NLRC3: variants seen among roughly 807,000 people sequenced by gnomAD.
NLRC3 encodes the protein NLR family CARD domain containing 3, also known as NLR family CARD domain-containing protein 3.
Under a neutral mutation model 91.6 loss-of-function variants are expected in NLRC3, and 87 were observed. That is an observed-to-expected ratio of 0.95 (90% CI 0.80 to 1.14). The LOEUF (loss-of-function observed/expected upper bound fraction) is 1.14. Ranked by LOEUF, NLRC3 falls within the 50% of genes most tolerant of loss-of-function variation. The pLI is 0.00. For synonymous variants in NLRC3, 694 were observed against 625.3 expected, an observed-to-expected ratio of 1.11 and a Z score of -1.64; for missense variants, 1,577 against 1,418.6, an observed-to-expected ratio of 1.11 and a Z score of -1.79.
intron 15 of NLRC3, among the ~76,000 whole-genome samples, chr16:3,547,446 G>A (rs2038749472): frequency 6.8e-6 from 1 of 147,962 alleles, no homozygotes; most frequent in Admixed American, 6.6e-5. Flanking sequence ...CTAACGGGGT[G>A]ATGGAAATGT....
In NLRC3 at chr16:3,563,593, T is replaced by C. The variant is rs2039721212; in HGVS notation, c.1344A>G (p.Ser448=). The change falls in exon 5 of 20, where the codon TCA becomes TCG. Residue 448 remains serine (S), a synonymous_variant. Coordinates refer to ENST00000359128, the MANE Select transcript of NLRC3 (RefSeq NM_178844.4). The stretch of plus-strand genomic sequence containing the variant: ...ACAGGTGGGTGAAGCAGTAGGCCAC[T>C]GACGATGCCAACGTCTCCTCTCTCT... ...FLQREETLAS[S]VAYCFTHLSL... 1 of 1,612,918 alleles carries C rather than the reference T, an allele frequency of 6.2e-7. No homozygotes were observed. The highest frequency in any genetic ancestry group is 8.5e-7 in the Non-Finnish European group (1 of 1,179,694).
At chr16:3,547,154 C>T (rs1174880433) in intron 15 of NLRC3, among the ~76,000 whole-genome samples, 1 of 152,204 alleles carries the variant, frequency 6.6e-6, no homozygotes, top group Non-Finnish European at 1.5e-5. Flanking sequence ...CAACGTCCGT[C>T]AGCTGATGAA....
intron 16 of NLRC3, chr16:3,543,740 C>G (rs1024368881): frequency 1.1e-5 from 6 of 553,128 alleles, no homozygotes; most frequent in East Asian, 6.1e-5. Context: ...TGGAAGGGCT[C>G]GGGGAGAATG....
At chr16:3,549,469 T>C (rs2038881839) in intron 12 of NLRC3, among the ~76,000 whole-genome samples, 1 of 151,614 alleles carries the variant, frequency 6.6e-6, no homozygotes. Context: ...GCCCCAGAGG[T>C]GCGAGGGGAC....
intron 17 of NLRC3, chr16:3,542,985 G>A: frequency 1.8e-6 from 1 of 569,584 alleles, no homozygotes; most frequent in Non-Finnish European, 3.1e-6. Flanking sequence ...GCCTAGCCAG[G>A]AGGGTTGTTG....
intron 6 of NLRC3, among the ~76,000 whole-genome samples, chr16:3,561,306 C>T (rs1035210268): frequency 6.6e-6 from 1 of 152,116 alleles, no homozygotes; most frequent in African/African-American, 2.4e-5. Flanking sequence ...GAGATCATGC[C>T]ACTACACTCC....
At chr16:3,571,135 A>G (rs2151107190) in intron 1 of NLRC3, among the ~76,000 whole-genome samples, 1 of 152,296 alleles carries the variant, frequency 6.6e-6, no homozygotes. Flanking sequence ...AGCATTTCAA[A>G]TCAGTGAAAA....
At position 3,548,262 on chromosome 16, in the gene NLRC3, T is replaced by C. The variant is rs1163300708; in HGVS notation, c.2688-44A>G. ...ATGTGACTATGTGACTATGTGACTA[T>C]GTGGCCCTGGGGCAGAGCCAAGGAG... On this transcript the variant is annotated intron_variant, in intron 14 of 19. Coordinates refer to ENST00000359128, the MANE Select transcript of NLRC3 (RefSeq NM_178844.4). 2.0e-6 allele frequency: 3 copies of C among 1,491,596 alleles called. No homozygotes were observed. The South Asian group carries it at 3.6e-5, about 18-fold the overall frequency. 92.4% of individuals were successfully genotyped at this position (1,491,596 alleles called of 1,614,324 possible).
chr16:3,573,689 C>G lies in NLRC3; in HGVS notation c.-169+3460G>C, dbSNP rs139340774. Reference sequence around the variant, plus strand: ...GGACTGCGTGGAAGAAGTCTCAGCTCTGGTAGGGCATCATTTGGGGTCTTA... The same window carrying G: ...GGACTGCGTGGAAGAAGTCTCAGCTGTGGTAGGGCATCATTTGGGGTCTTA... On this transcript the variant is annotated intron_variant, in intron 1 of 19. Transcript: ENST00000359128. 2.5e-3 allele frequency among the ~76,000 whole-genome samples: 376 copies of G among 152,228 alleles called. 2 individuals carry two copies. Among genetic ancestry groups the G allele is most frequent in the African/African-American group, 8.6e-3 (358 of 41,526 alleles).
At chr16:3,549,089 G>A in intron 13 of NLRC3, 53 bp downstream of exon 13, 2 of 1,339,234 alleles carry the variant, frequency 1.5e-6, no homozygotes, top group South Asian at 1.3e-5. Context: ...GGCTCGGTGT[G>A]GGTGTGGTCA....
In NLRC3 at chr16:3,563,012, A is replaced by G; in HGVS notation, c.1925T>C (p.Leu642Pro). The change falls in exon 5 of 20, where the codon CTC (leucine) becomes CCC (proline). Residue 642 changes from leucine to proline, a missense_variant. Transcript: ENST00000359128. ...TGCCCCCTGCCCTGGTATCCACCTG[A>G]GCTTCCGGCAGTAGAGCAGCTGGGG... ...LLPQLLYCRK[L>P]RLDTNQFQDP... is the part of the protein sequence containing the mutation. 1 of 1,551,934 alleles carries G rather than the reference A, an allele frequency of 6.4e-7. No individual in the cohort carries two copies. Among genetic ancestry groups the G allele is most frequent in the Non-Finnish European group, 8.7e-7 (1 of 1,148,366 alleles).
intron 10 of NLRC3, 42 bp from the exon 11 acceptor site, chr16:3,550,539 G>A (rs1489817713): frequency 1.4e-6 from 2 of 1,433,070 alleles, no homozygotes; most frequent in Admixed American, 1.7e-5. Flanking sequence ...TCTGGGAGCT[G>A]CCAGGCAGGG....
In NLRC3 at chr16:3,565,071, AG is replaced by A; in HGVS notation, c.-24-12del. On this transcript the variant is annotated splice_polypyrimidine_tract_variant and intron_variant, in intron 3 of 19. Transcript: ENST00000359128. ...GATCACCTCCAGGAGCTGTGAAGAG[AG>A]GGCCTGAACCTGCTGCCTGCCGTGC... The A allele has an allele frequency of 1.9e-6, 3 of 1,597,110 alleles. No homozygotes were observed. The highest frequency in any genetic ancestry group is 2.6e-6 in the Non-Finnish European group (3 of 1,174,208).
intron 9 of NLRC3, among the ~76,000 whole-genome samples, chr16:3,553,409 A>G (rs1219270996): frequency 1.3e-5 from 2 of 152,200 alleles, no homozygotes; most frequent in African/African-American, 4.8e-5. Flanking sequence ...GCTCTAAAGT[A>G]CCTGCGTGTC....
At chr16:3,559,932 C>CGATTAAAG (rs1204095356) in intron 6 of NLRC3, among the ~76,000 whole-genome samples, 21 of 152,154 alleles carry the variant, frequency 1.4e-4, no homozygotes, top group African/African-American at 4.8e-4. Flanking sequence ...CATGAGCCAC[C>CGATTAAAG]GCCCCTGGCC....
rs1488076029 is a variant in NLRC3 at position 3,564,860 on chromosome 16, A to G, written c.177T>C (p.Asn59=). The G allele has an allele frequency of 6.2e-7, 1 of 1,603,100 alleles. No individual in the cohort carries two copies. The highest frequency in any genetic ancestry group is 1.1e-5 in the South Asian group (1 of 90,754). The stretch of plus-strand genomic sequence containing the variant: ...GTCTGCCTCCCAAGCCGGTCCTACC[A>G]TTGCTGCAGGGCCCCAGCGGGGCAT... ...TPDAPLGPCS[N]DSRIQRHRKA... The change falls in exon 4 of 20, where the codon AAT becomes AAC. Residue 59 remains asparagine, a splice_region_variant and synonymous_variant. Coordinates refer to ENST00000359128, the MANE Select transcript of NLRC3 (RefSeq NM_178844.4). This position sits in a 1 kb window ranked among gnomAD's most constrained non-coding sequence, Gnocchi z 5.9.
At chr16:3,542,128 CA>C in intron 19 of NLRC3, 62 bp downstream of exon 19, 24 of 1,229,952 alleles carry the variant, frequency 2.0e-5, no homozygotes, top group Non-Finnish European at 2.8e-5. Flanking sequence ...CAGAACTGGG[CA>C]AAAGGCAGTG....
At chr16:3,556,867 G>A (rs749082262) in intron 8 of NLRC3, 44 bp downstream of exon 8, 2 of 1,370,566 alleles carry the variant, frequency 1.5e-6, no homozygotes, top group Non-Finnish European at 2.1e-6. Context: ...GGGTTTTCTG[G>A]GCCCTCTCTT....
In NLRC3 at chr16:3,548,618, C is replaced by T. The variant is rs1025112872; in HGVS notation, c.2687+52G>A. The T allele has an allele frequency of 1.9e-5, 25 of 1,347,922 alleles. No individual in the cohort carries two copies. The Admixed American group carries it at 4.8e-4, about 26-fold the overall frequency. 83.5% of individuals were successfully genotyped at this position (1,347,922 alleles called of 1,614,324 possible). A position where few individuals can be genotyped will look rare whatever the true frequency, so the allele number is the denominator to read the frequency against. ...TGTGCATCGTTGGTTTGGGTGGAGCCCGGCAGCTCTGCAGAAGGGGAACAG... is the reference window on the plus strand; with the variant it reads ...TGTGCATCGTTGGTTTGGGTGGAGCTCGGCAGCTCTGCAGAAGGGGAACAG... On this transcript the variant is annotated intron_variant, in intron 14 of 19. Transcript: ENST00000359128.
Sources: gnomAD v4.1 joint callset for allele counts (sites outside exome capture counted in the v4.1 genomes callset) on GRCh38, gnomAD v4.1.1 for gene constraint, Gnocchi (gnomAD v3.1) non-coding constraint, MANE v1.5 for transcripts, NCBI Gene and HGNC (gene_info 2026-07-23, HGNC 2026-07-21) for gene names.